Variants in SCFD1 observed in about 807,000 individuals in gnomAD.
The protein encoded by SCFD1 is sec1 family domain-containing protein 1.
Under a neutral mutation model 103.2 loss-of-function variants are expected in SCFD1, and 37 were observed. The ratio of observed to expected loss-of-function variants is 0.36; its 90% CI spans 0.28 to 0.47. SCFD1 has a LOEUF of 0.47. SCFD1 is among the 20% of genes least tolerant of loss of function. The probability of loss-of-function intolerance (pLI) is 1.00; values close to 1 mark genes in which losing one functional copy is unlikely to be tolerated. For missense variants in SCFD1, 639 were observed against 761.2 expected (o/e 0.84, Z 1.89); for synonymous variants, 264 against 245.0 (o/e 1.08, Z -0.73).
intron 6 of SCFD1, among the ~76,000 whole-genome samples, chr14:30,642,988 A>G (rs912979404): frequency 6.6e-6 from 1 of 152,030 alleles, no homozygotes; most frequent in Non-Finnish European, 1.5e-5. Flanking sequence ...CCTGGGCAAC[A>G]TAGGGAGACC....
intron 14 of SCFD1, among the ~76,000 whole-genome samples, chr14:30,678,084 C>T (rs1306355699): frequency 1.3e-5 from 2 of 151,964 alleles, no homozygotes; most frequent in Admixed American, 6.5e-5. Flanking sequence ...ATGATCCACC[C>T]GCCTCGGCCC....
In SCFD1 at chr14:30,682,046, T is replaced by C. The variant is rs377004792; in HGVS notation, c.1242+6981T>C. Among the ~76,000 whole-genome samples the C allele has an allele frequency of 9.8e-5, 15 of 152,324 alleles. 1 individual carries two copies. Among genetic ancestry groups the C allele is most frequent in the African/African-American group, 3.6e-4 (15 of 41,576 alleles). On this transcript the variant is annotated intron_variant, in intron 14 of 24. Transcript: ENST00000458591. ...CATATTCTTTGAATAATCTATAATA[T>C]CATTTTTTCATTTTGGCTTTTGATA...
intron 23 of SCFD1, among the ~76,000 whole-genome samples, chr14:30,732,625 G>A (rs1320296938): frequency 3.9e-5 from 6 of 152,102 alleles, no homozygotes; most frequent in Non-Finnish European, 5.9e-5. Flanking sequence ...GTACAGTCTC[G>A]TAGTATGAAA....
At chr14:30,727,834 C>T (rs564086753) in intron 23 of SCFD1, among the ~76,000 whole-genome samples, 6 of 152,144 alleles carry the variant, frequency 3.9e-5, no homozygotes, top group Admixed American at 6.5e-5. Context: ...CATTCCCAGT[C>T]ACATGATGTT....
intron 1 of SCFD1, 90 bp downstream of exon 1, chr14:30,622,489 C>T: frequency 1.3e-6 from 2 of 1,503,364 alleles, no homozygotes; most frequent in Non-Finnish European, 1.8e-6. Context: ...GACCGATCTC[C>T]AGGAGTTTAA....
At chr14:30,710,318 A>C (rs1298351856) in intron 19 of SCFD1, among the ~76,000 whole-genome samples, 3 of 146,368 alleles carry the variant, frequency 2.0e-5, no homozygotes, top group African/African-American at 7.8e-5. Context: ...CCACTACCAG[A>C]AGAGCCATGT....
At chr14:30,639,910 T>G in intron 6 of SCFD1, 46 bp downstream of exon 6, 1 of 1,529,432 alleles carries the variant, frequency 6.5e-7, no homozygotes, top group Non-Finnish European at 8.8e-7. Context: ...ACAAAATGAA[T>G]GGTATACTGT....
intron 21 of SCFD1, chr14:30,721,635 T>TTTTAAA: frequency 2.4e-6 from 1 of 424,284 alleles, no homozygotes; most frequent in East Asian, 4.3e-5. Flanking sequence ...TAGAATTTTA[T>TTTTAAA]TTTAAAGTAA....
chr14:30,632,110 A>C (rs1221844339), intron 3 of SCFD1, among the ~76,000 whole-genome samples: 1 of 151,298 alleles, frequency 6.6e-6, no homozygotes, highest in Non-Finnish European at 1.5e-5. Flanking sequence ...GATAGATACT[A>C]ATACTTCTGT....
intron 13 of SCFD1, among the ~76,000 whole-genome samples, chr14:30,674,653 A>G (rs753359185): frequency 6.6e-6 from 1 of 151,446 alleles, no homozygotes; most frequent in Non-Finnish European, 1.5e-5. Context: ...CAAAAAAAAG[A>G]AGGAGGGAGG....
At chr14:30,706,115 C>T (rs1268746989) in intron 18 of SCFD1, among the ~76,000 whole-genome samples, 2 of 151,780 alleles carry the variant, frequency 1.3e-5, no homozygotes, top group Admixed American at 1.3e-4. Context: ...CTAATACATA[C>T]CATGTGTAAT....
Position 30,639,687 on chromosome 14 carries a change from T to A in SCFD1, c.436-90T>A. The A allele has an allele frequency of 7.6e-6, 10 of 1,309,722 alleles. No individual in the cohort carries two copies. The South Asian group carries it at 1.6e-4, about 21-fold the overall frequency. 81.1% of individuals were successfully genotyped at this position (1,309,722 alleles called of 1,614,324 possible). On this transcript the variant is annotated intron_variant, in intron 5 of 24. Coordinates refer to ENST00000458591, the MANE Select transcript of SCFD1 (RefSeq NM_016106.4). ...AATGTAATTAGGATTTTTTTTCATT[T>A]CTACCATTGGTAGGTTAGAGCAAAC... is the stretch of plus-strand genomic sequence containing the variant.
intron 17 of SCFD1, 121 bp from the exon 18 acceptor site, chr14:30,705,702 T>A: frequency 1.5e-6 from 1 of 685,848 alleles, no homozygotes; most frequent in South Asian, 1.8e-5. Context: ...GTTGAAAAAT[T>A]CTCTTTTCAG....
chr14:30,646,640 A>C (rs114697892), intron 7 of SCFD1, among the ~76,000 whole-genome samples: 2,236 of 152,192 alleles, frequency 0.015, 47 homozygotes, highest in African/African-American at 0.051. Flanking sequence ...TCATTGAATG[A>C]GATAGGGAAG....
intron 13 of SCFD1, among the ~76,000 whole-genome samples, chr14:30,674,343 G>A (rs1270641304): frequency 2.6e-5 from 4 of 152,096 alleles, no homozygotes; most frequent in Non-Finnish European, 5.9e-5. Context: ...TACTTTGAAT[G>A]CCATTAAGGA....
intron 4 of SCFD1, chr14:30,634,645 T>G: frequency 2.8e-6 from 1 of 362,798 alleles, no homozygotes; most frequent in Non-Finnish European, 5.3e-6. Context: ...TTATATAGGG[T>G]TTTCCTTTTC....
At chr14:30,735,238 ATGT>A (rs1893756034) in intron 24 of SCFD1, 2 of 308,462 alleles carry the variant, frequency 6.5e-6, no homozygotes, top group Non-Finnish European at 1.2e-5. Context: ...TTACCTAATA[ATGT>A]TTACATTTCT....
At chr14:30,660,025 C>T (rs1437822842) in intron 10 of SCFD1, among the ~76,000 whole-genome samples, 1 of 152,090 alleles carries the variant, frequency 6.6e-6, no homozygotes, top group Non-Finnish European at 1.5e-5. Context: ...TAATTTTACG[C>T]AACAAAATTA....
intron 23 of SCFD1, 192 bp downstream of exon 23, chr14:30,722,751 A>C (rs1892738578): frequency 2.6e-6 from 1 of 379,118 alleles, no homozygotes; most frequent in Non-Finnish European, 4.7e-6. Context: ...CTAAAATTGT[A>C]CTTAATCTAG....
Sources: allele counts gnomAD v4.1 joint callset (sites outside exome capture counted in the v4.1 genomes callset), GRCh38; gene constraint gnomAD v4.1.1; transcripts MANE v1.5; gene names NCBI Gene and HGNC (gene_info 2026-07-23, HGNC 2026-07-21).